The following MROH2A variants were observed in gnomAD, a reference collection of about 807,000 sequenced individuals.
MROH2A encodes the protein maestro heat like repeat family member 2A.
Under a neutral mutation model 200.4 loss-of-function variants are expected in MROH2A, and 174 were observed. The ratio of observed to expected loss-of-function variants is 0.87; its 90% CI spans 0.77 to 0.98. The LOEUF (loss-of-function observed/expected upper bound fraction) is 0.98, where lower values mean the gene tolerates loss of function less well. Ranked by LOEUF, MROH2A falls within the 50% of genes least tolerant of loss-of-function variation. The pLI, the probability that MROH2A is intolerant of heterozygous loss-of-function variation, is 0.00. For synonymous variants in MROH2A, 829 were observed against 840.4 expected, an observed-to-expected ratio of 0.99 and a Z score of 0.23; for missense variants, 2,045 against 2,139.6, an observed-to-expected ratio of 0.96 and a Z score of 0.87.
chr2:233,802,545 C>G (rs1452702335), intron 15 of MROH2A: 3 of 469,782 alleles, frequency 6.4e-6, no homozygotes, highest in Non-Finnish European at 1.1e-5. Flanking sequence ...CTCCTCATGT[C>G]CTGTCCCCCC....
chr2:233,787,597 T>TAC, intron 3 of MROH2A, among the ~76,000 whole-genome samples: 1 of 46,374 alleles, frequency 2.2e-5, no homozygotes, highest in Non-Finnish European at 3.5e-5. Flanking sequence ...ATATATATAT[T>TAC]ATATATTATA....
chr2:233,822,763 T>G, intron 33 of MROH2A, 118 bp from the exon 34 acceptor site: 1 of 1,331,618 alleles, frequency 7.5e-7, no homozygotes, highest in African/African-American at 1.5e-5. Context: ...GACCTTTCCC[T>G]CAGTCCCTTG....
chr2:233,796,625 C>T (rs575794976), intron 11 of MROH2A, among the ~76,000 whole-genome samples: 10 of 152,218 alleles, frequency 6.6e-5, no homozygotes, highest in African/African-American at 1.7e-4. Flanking sequence ...TCTGAAGCCC[C>T]GTGGACTCAA....
Position 233,819,373 on chromosome 2 carries a change from C to T in MROH2A, c.3261C>T (p.Cys1087=), listed in dbSNP as rs1323197914. 1.4e-5 allele frequency: 22 copies of T among 1,550,472 alleles called. No homozygotes were observed. In the African/African-American group the frequency reaches 1.8e-4, roughly 13 times the overall value. The change falls in exon 30 of 42, where the codon TGC becomes TGT. Residue 1087 remains cysteine (C), a synonymous_variant. Coordinates refer to ENST00000389758, the MANE Select transcript of MROH2A (RefSeq NM_001394639.1). ...DEVVSLIQKL[C]ENTGAMNLQH... ...TGGTCTCGCTCATCCAGAAGCTCTG[C>T]GAGAACACTGGGGCCATGAACCTGC...
Position 233,828,637 on chromosome 2 carries a change from G to A in MROH2A, c.4121G>A (p.Ser1374Asn). ...CAATGTCCTCCCTTCCAGTTCATGA[G>A]CGGCCCAGTTCTGTACCAGGAGAAG... ...RISSTAVCFM[S>N]GPVLYQEKLL... The change falls in exon 36 of 42, where the codon AGC becomes AAC. Residue 1374 changes from serine to asparagine, a missense_variant. Physicochemically the swap from Ser to Asn is conservative, Grantham distance 46. Transcript: ENST00000389758. The surrounding 1 kb of genome is among the most constrained non-coding windows in gnomAD (Gnocchi z 4.6). 2 of 1,550,812 alleles carry A rather than the reference G, an allele frequency of 1.3e-6. No individual in the cohort carries two copies. The highest frequency in any genetic ancestry group is 1.7e-6 in the Non-Finnish European group (2 of 1,146,988).
Position 233,816,777 on chromosome 2 carries a change from A to G in MROH2A, c.2857-4A>G, listed in dbSNP as rs547993561. 1.4e-5 allele frequency: 22 copies of G among 1,548,596 alleles called. No individual in the cohort carries two copies. The highest frequency in any genetic ancestry group is 9.6e-5 in the African/African-American group (7 of 73,146). On this transcript the variant is annotated splice_polypyrimidine_tract_variant and splice_region_variant and intron_variant, in intron 26 of 41. Transcript: ENST00000389758. ...CACTTTGGTGTTCTGGGCTCTACCC[A>G]TAGCTCCTGGAAAAGTGGATCTTGT...
At chr2:233,822,583 G>T in intron 33 of MROH2A, 27 bp downstream of exon 33, 1 of 1,542,658 alleles carries the variant, frequency 6.5e-7, no homozygotes, top group Non-Finnish European at 8.7e-7. Flanking sequence ...TGGGTGCAAG[G>T]CAGCAGGCCT....
At chr2:233,833,039 A>ACC in intron 41 of MROH2A, 99 bp from the exon 42 acceptor site, 2 of 1,408,152 alleles carry the variant, frequency 1.4e-6, no homozygotes, top group Non-Finnish European at 1.9e-6. Context: ...GCCCCTGCCC[A>ACC]CCTTCTGCGG....
rs1700775715 is a variant in MROH2A at position 233,778,430 on chromosome 2, C to G, written c.-66C>G. ...GATGTGTATTGGGCCAAGAGCAGAG[C>G]TTTTTCTTGTGGTTAATATCTGTTT... On this transcript the variant is annotated 5_prime_UTR_variant, in exon 1 of 42. Transcript: ENST00000389758. 1 of 169,268 alleles carries G rather than the reference C, an allele frequency of 5.9e-6. No individual in the cohort carries two copies. The highest frequency in any genetic ancestry group is 1.5e-5 in the Non-Finnish European group (1 of 68,314). 10.5% of individuals were successfully genotyped at this position (169,268 alleles called of 1,614,324 possible). A position where few individuals can be genotyped will look rare whatever the true frequency, so the allele number is the denominator to read the frequency against.
chr2:233,804,338 C>A, intron 17 of MROH2A, 146 bp downstream of exon 17: 1 of 1,378,714 alleles, frequency 7.3e-7, no homozygotes, highest in Non-Finnish European at 9.9e-7. Flanking sequence ...ACTGGTTGAG[C>A]AGCTTGGGAA....
At position 233,807,182 on chromosome 2, in the gene MROH2A, T is replaced by C. The variant is rs1158892585; in HGVS notation, c.2053-241T>C. Among the ~76,000 whole-genome samples, 1 of 152,092 alleles carries C rather than the reference T, an allele frequency of 6.6e-6. No homozygotes were observed. The highest frequency in any genetic ancestry group is 6.6e-5 in the Admixed American group (1 of 15,266). On this transcript the variant is annotated intron_variant, in intron 19 of 41. Coordinates refer to ENST00000389758, the MANE Select transcript of MROH2A (RefSeq NM_001394639.1). The surrounding 1 kb of genome is among the most constrained non-coding windows in gnomAD (Gnocchi z 4.3). ...TATATAATATGAACTGATATATGTATATATAAACTGATATATGTATGTATG... is the reference window on the plus strand; with the variant it reads ...TATATAATATGAACTGATATATGTACATATAAACTGATATATGTATGTATG...
At chr2:233,779,883 A>C in intron 3 of MROH2A, 31 bp downstream of exon 3, 1 of 1,529,066 alleles carries the variant, frequency 6.5e-7, no homozygotes, top group Non-Finnish European at 8.8e-7. Context: ...GGGCTCAGCC[A>C]CCTTTAGCTC....
intron 24 of MROH2A, among the ~76,000 whole-genome samples, chr2:233,812,980 T>TG (rs1703271740): frequency 1.3e-5 from 2 of 152,150 alleles, no homozygotes; most frequent in Non-Finnish European, 2.9e-5. Context: ...ATAGAACTCA[T>TG]GGGGAACTTT....
chr2:233,797,706 G>C (rs1320510135), intron 11 of MROH2A, among the ~76,000 whole-genome samples: 1 of 152,066 alleles, frequency 6.6e-6, no homozygotes, highest in Non-Finnish European at 1.5e-5. Context: ...AGGGAAATTA[G>C]TATTTGCCCT....
chr2:233,805,882 T>C (rs944054876), intron 19 of MROH2A, among the ~76,000 whole-genome samples: 8 of 152,096 alleles, frequency 5.3e-5, no homozygotes, highest in African/African-American at 1.9e-4. Context: ...AAGAATGAAA[T>C]TGGATATCTT....
rs1162572699 is a variant in MROH2A at position 233,829,086 on chromosome 2, G to A, written c.4446+14G>A. On this transcript the variant is annotated intron_variant, in intron 37 of 41. Coordinates refer to ENST00000389758, the MANE Select transcript of MROH2A (RefSeq NM_001394639.1). ...TTCTTCGACAACGTGAGTCCGATGAGAGCCTCCCTGAGCTTGCTCAGTGAA... is the reference window on the plus strand; with the variant it reads ...TTCTTCGACAACGTGAGTCCGATGAAAGCCTCCCTGAGCTTGCTCAGTGAA... 6.7e-7 allele frequency: 1 copy of A among 1,490,700 alleles called. No individual in the cohort carries two copies. The highest frequency in any genetic ancestry group is 2.2e-5 in the Admixed American group (1 of 44,464). 92.3% of individuals were successfully genotyped at this position (1,490,700 alleles called of 1,614,324 possible). A position where few individuals can be genotyped will look rare whatever the true frequency, so the allele number is the denominator to read the frequency against.
At chr2:233,799,652 G>A in intron 12 of MROH2A, 128 bp from the exon 13 acceptor site, 1 of 1,184,754 alleles carries the variant, frequency 8.4e-7, no homozygotes, top group Non-Finnish European at 1.2e-6. Context: ...AGAGTGGGCA[G>A]TAATCAGGTA....
intron 7 of MROH2A, 109 bp from the exon 8 acceptor site, chr2:233,794,254 T>G: frequency 5.0e-6 from 4 of 807,036 alleles, no homozygotes; most frequent in Non-Finnish European, 7.9e-6. Context: ...GCTCTGCTTC[T>G]GAGGCGCCTT....
intron 31 of MROH2A, among the ~76,000 whole-genome samples, chr2:233,821,085 T>C (rs1703907513): frequency 6.6e-6 from 1 of 152,244 alleles, no homozygotes; most frequent in Non-Finnish European, 1.5e-5. Flanking sequence ...AATAACAAAT[T>C]ATCACCCACT....
Sources: allele counts gnomAD v4.1 joint callset (sites outside exome capture counted in the v4.1 genomes callset), GRCh38; gene constraint gnomAD v4.1.1; non-coding constraint Gnocchi (gnomAD v3.1); transcripts MANE v1.5; gene names NCBI Gene and HGNC (gene_info 2026-07-23, HGNC 2026-07-21).